SYNE1: variants seen among roughly 807,000 people sequenced by gnomAD.
The protein encoded by SYNE1 is spectrin repeat containing nuclear envelope protein 1, also known as nesprin-1.
Under a neutral mutation model 1,111.0 loss-of-function variants are expected in SYNE1, and 616 were observed. The observed-to-expected ratio is 0.55, with a 90% confidence interval of 0.52 to 0.59. The LOEUF is 0.59. Ranked by LOEUF, SYNE1 falls within the 20% of genes least tolerant of loss-of-function variation. SYNE1 has a pLI of 0.00. For missense variants in SYNE1, 10,006 were observed against 10,417.0 expected, an observed-to-expected ratio of 0.96 and a Z score of 1.72; for synonymous variants, 3,855 against 3,825.8, an observed-to-expected ratio of 1.01 and a Z score of -0.28.
chr6:152,336,294 C>A, intron 76 of SYNE1: 1 of 173,088 alleles, frequency 5.8e-6, no homozygotes, highest in Non-Finnish European at 1.3e-5. Context: ...TCTGAAGCTT[C>A]AGTAATATAT....
At position 152,409,131 on chromosome 6, in the gene SYNE1, A is replaced by C; in HGVS notation, c.6477T>G (p.Ile2159Met). ...TCACCAAGCTGAAATCACTACTGTG[A>C]ATTTTCTTCAGCTCAGATAACAAGT... is the stretch of plus-strand genomic sequence containing the variant. ...GKHLLSELKK[I>M]HSSDFSLVKT... The change falls in exon 44 of 146, where the codon ATT (isoleucine) becomes ATG (methionine). Residue 2159 changes from isoleucine to methionine, a missense_variant. Coordinates refer to ENST00000367255, the MANE Select transcript of SYNE1 (RefSeq NM_182961.4). The C allele has an allele frequency of 6.2e-7, 1 of 1,614,136 alleles. No individual in the cohort carries two copies.
chr6:152,604,972 GAAAGAAAGAAAGAAAGAAAGAA>G (rs1199716789), intron 3 of SYNE1, among the ~76,000 whole-genome samples: 1 of 15,660 alleles, frequency 6.4e-5, no homozygotes, highest in Non-Finnish European at 1.2e-4. Context: ...AAGAAAGAAA[GAAAGAAAGAAAGAAAGAAAGAA>G]AGAAAGAAAG....
intron 109 of SYNE1, 133 bp from the exon 110 acceptor site, chr6:152,236,436 T>C (rs1366371978): frequency 1.4e-6 from 1 of 705,532 alleles, no homozygotes; most frequent in Non-Finnish European, 2.4e-6. Flanking sequence ...TCAAGTAACA[T>C]TGAAAACTTT....
chr6:152,306,302 G>C (rs6929804), intron 91 of SYNE1, among the ~76,000 whole-genome samples: 1 of 151,720 alleles, frequency 6.6e-6, no homozygotes, highest in Non-Finnish European at 1.5e-5. Flanking sequence ...CCTGGCCAAC[G>C]TGGTGAAACC....
At chr6:152,278,007 T>C (rs2093766740) in intron 98 of SYNE1, 82 bp downstream of exon 98, 2 of 1,504,304 alleles carry the variant, frequency 1.3e-6, no homozygotes, top group African/African-American at 1.4e-5. Flanking sequence ...CGCCAACCTG[T>C]TCCTTTACCT....
intron 3 of SYNE1, among the ~76,000 whole-genome samples, chr6:152,543,504 A>G (rs948156486): frequency 1.3e-5 from 2 of 152,222 alleles, no homozygotes. Context: ...GAAGTAACAG[A>G]AACATGCAAC....
At chr6:152,264,949 C>G (rs966052676) in intron 100 of SYNE1, among the ~76,000 whole-genome samples, 1 of 152,066 alleles carries the variant, frequency 6.6e-6, no homozygotes, top group Non-Finnish European at 1.5e-5. Context: ...GTGGCTCACA[C>G]CTGTAAACAC....
intron 124 of SYNE1, among the ~76,000 whole-genome samples, chr6:152,208,702 T>TA (rs2076982570): frequency 6.6e-6 from 1 of 152,212 alleles, no homozygotes. Context: ...AAAGATTTTT[T>TA]AAAAACTGTA....
intron 3 of SYNE1, among the ~76,000 whole-genome samples, chr6:152,585,587 C>T (rs951645825): frequency 6.6e-6 from 1 of 152,190 alleles, no homozygotes; most frequent in Non-Finnish European, 1.5e-5. Context: ...ATTTGTGACA[C>T]ATTTTTCTCC....
chr6:152,169,624 T>A (rs1286199254), intron 130 of SYNE1, among the ~76,000 whole-genome samples: 1 of 66,134 alleles, frequency 1.5e-5, no homozygotes, highest in African/African-American at 6.3e-5. Flanking sequence ...TGACACCTCA[T>A]CTCAAAAAAA....
chr6:152,447,066 T>C (rs986000298), intron 29 of SYNE1, among the ~76,000 whole-genome samples: 2 of 152,170 alleles, frequency 1.3e-5, no homozygotes, highest in African/African-American at 4.8e-5. Context: ...TTACGTAAGT[T>C]GAAGGTTACC....
chr6:152,236,916 C>T lies in SYNE1; in HGVS notation c.20100G>A (p.Glu6700=). Residue 6700 remains glutamate (E), a synonymous_variant, in exon 109 of 146, where the codon GAG becomes GAA. Coordinates refer to ENST00000367255, the MANE Select transcript of SYNE1 (RefSeq NM_182961.4). ...CCACCACCTCCAGCTGTCTGCTGAGCTCCTGCTGGTCCTCATCCAGATGGG... is the reference window on the plus strand; with the variant it reads ...CCACCACCTCCAGCTGTCTGCTGAGTTCCTGCTGGTCCTCATCCAGATGGG... ...TWSHLDEDQQ[E]LSRQLEVVES... 1.2e-6 allele frequency: 2 copies of T among 1,614,188 alleles called. No individual in the cohort carries two copies. The highest frequency in any genetic ancestry group is 1.7e-6 in the Non-Finnish European group (2 of 1,180,024).
chr6:152,393,248 G>A (rs2097675006), intron 51 of SYNE1, among the ~76,000 whole-genome samples: 1 of 152,150 alleles, frequency 6.6e-6, no homozygotes, highest in African/African-American at 2.4e-5. Context: ...CTCTAACGCA[G>A]TTTTGGTGTA....
chr6:152,124,613 A>G (rs1301544384), intron 145 of SYNE1, among the ~76,000 whole-genome samples: 2 of 152,248 alleles, frequency 1.3e-5, no homozygotes, highest in Non-Finnish European at 2.9e-5. Flanking sequence ...AGAAGCCACA[A>G]GAGCTCAATC....
chr6:152,460,760 T>TCTAGTTCC (rs11280891), intron 21 of SYNE1, among the ~76,000 whole-genome samples: 77,142 of 147,308 alleles, frequency 0.52, 22,088 homozygotes, highest in East Asian at 0.76. Flanking sequence ...CTTACATCCA[T>TCTAGTTCC]CTAGTTCCCT....
Position 152,362,282 on chromosome 6 carries a change from T to C in SYNE1, c.10187A>G (p.Asp3396Gly), listed in dbSNP as rs138400194. 6 of 1,614,110 alleles carry C rather than the reference T, an allele frequency of 3.7e-6. No individual in the cohort carries two copies. The African/African-American group carries it at 6.7e-5, about 18-fold the overall frequency. The part of the protein sequence containing the change: ...GALSKWTSYQ[D>G]GVRQFSGWMD... The stretch of plus-strand genomic sequence containing the variant: ...CCAACCGGAGAACTGTCGAACGCCA[T>C]CCTGATAACTTGTCCACTTGGAGAG... Residue 3396 changes from aspartate (D) to glycine (G), a missense_variant, in exon 64 of 146, where the codon GAT becomes GGT. By Grantham distance (94) the Asp-to-Gly change is moderately conservative. Coordinates refer to ENST00000367255, the MANE Select transcript of SYNE1 (RefSeq NM_182961.4).
At chr6:152,269,049 A>AT in intron 99 of SYNE1, 106 bp downstream of exon 99, 1 of 1,530,236 alleles carries the variant, frequency 6.5e-7, no homozygotes, top group Non-Finnish European at 9.0e-7. Flanking sequence ...ATAAAGAGAC[A>AT]CTCTGTCTTT....
rs924639942 is a variant in SYNE1, at chr6:152,164,454, CAA to C, written c.23628-131_23628-130del. The C allele has an allele frequency of 3.7e-6, 4 of 1,077,400 alleles. No individual in the cohort carries two copies. In the African/African-American group the frequency reaches 6.3e-5, roughly 17 times the overall value. The allele number at this position is 1,077,400 out of a possible 1,614,324, so 66.7% of individuals were successfully genotyped here. ...AGTTAGAAACTCATGTGGAAGAAGCCAAAGACAGAAGACAAAGGAGGATAGAA... is the reference window on the plus strand; with the variant it reads ...AGTTAGAAACTCATGTGGAAGAAGCCAGACAGAAGACAAAGGAGGATAGAA... On this transcript the variant is annotated intron_variant, in intron 130 of 145. Transcript: ENST00000367255.
At chr6:152,620,475 G>A (rs1329829540) in intron 3 of SYNE1, among the ~76,000 whole-genome samples, 1 of 152,094 alleles carries the variant, frequency 6.6e-6, no homozygotes, top group South Asian at 2.1e-4. Context: ...AATCTACCAG[G>A]TATCTAAAAT....
Sources: allele counts gnomAD v4.1 joint callset (sites outside exome capture counted in the v4.1 genomes callset), GRCh38; gene constraint gnomAD v4.1.1; transcripts MANE v1.5; gene names NCBI Gene and HGNC (gene_info 2026-07-23, HGNC 2026-07-21).